MARCHF5: variants seen among roughly 807,000 people sequenced by gnomAD.
MARCHF5 encodes the protein membrane associated ring-CH-type finger 5.
MARCHF5 carries 5 observed loss-of-function variants against 36.5 expected under a neutral mutation model. The observed-to-expected ratio is 0.14, with a 90% CI of 0.07 to 0.29. MARCHF5 has a LOEUF of 0.29. Among genes scored for constraint, MARCHF5 ranks in the 10% least tolerant of loss-of-function variants. The pLI, the probability that MARCHF5 is intolerant of heterozygous loss-of-function variation, is 1.00. For missense variants in MARCHF5, 179 were observed against 336.3 expected (o/e 0.53, Z 3.66); for synonymous variants, 103 against 109.9 (o/e 0.94, Z 0.39).
At chr10:92,330,155 T>G (rs1843419178) in intron 2 of MARCHF5, among the ~76,000 whole-genome samples, 1 of 152,212 alleles carries the variant, frequency 6.6e-6, no homozygotes, top group Non-Finnish European at 1.5e-5. Context: ...TCATTTAGTC[T>G]TTTGTAGCCC....
intron 1 of MARCHF5, among the ~76,000 whole-genome samples, chr10:92,297,737 G>C (rs889170663): frequency 6.6e-6 from 1 of 151,972 alleles, no homozygotes; most frequent in African/African-American, 2.4e-5. Flanking sequence ...TGATCCACCT[G>C]CCTCGGCCTC....
chr10:92,344,289 T>G (rs867706369), intron 3 of MARCHF5, among the ~76,000 whole-genome samples: 9 of 152,202 alleles, frequency 5.9e-5, no homozygotes, highest in Non-Finnish European at 1.3e-4. Flanking sequence ...GGCAGAAGAC[T>G]ATATAAACAA....
chr10:92,303,525 G>A (rs1843040755), intron 1 of MARCHF5, among the ~76,000 whole-genome samples: 1 of 151,802 alleles, frequency 6.6e-6, no homozygotes, highest in African/African-American at 2.4e-5. Context: ...TTGGTATAGT[G>A]GTTTTTTTGT....
At position 92,349,811 on chromosome 10, in the gene MARCHF5, A is replaced by G; in HGVS notation, c.694A>G (p.Asn232Asp). The G allele has an allele frequency of 6.2e-7, 1 of 1,613,412 alleles. No homozygotes were observed. The highest frequency in any genetic ancestry group is 8.5e-7 in the Non-Finnish European group (1 of 1,179,624). The stretch of plus-strand genomic sequence containing the variant: ...TGGTAAATTGATGTTCAGTAGTGTT[A>G]ACTCTAATTTACAAAGGACAATCTT... ...IVGKLMFSSV[N>D]SNLQRTILGG... The change falls in exon 5 of 6, where the codon AAC becomes GAC. Residue 232 changes from asparagine to aspartate, a missense_variant. Asn to Asp is a conservative substitution (Grantham distance 23). Coordinates refer to ENST00000358935, the MANE Select transcript of MARCHF5 (RefSeq NM_017824.5).
chr10:92,297,072 T>G (rs1038756441), intron 1 of MARCHF5, among the ~76,000 whole-genome samples: 1 of 152,128 alleles, frequency 6.6e-6, no homozygotes, highest in Non-Finnish European at 1.5e-5. Flanking sequence ...ATGGCATATC[T>G]TCTCATCCCC....
At chr10:92,326,453 T>C (rs900712275) in intron 2 of MARCHF5, among the ~76,000 whole-genome samples, 2 of 152,186 alleles carry the variant, frequency 1.3e-5, no homozygotes, top group Non-Finnish European at 2.9e-5. Context: ...AAATTTCTTG[T>C]TACTGTCACT....
intron 2 of MARCHF5, among the ~76,000 whole-genome samples, chr10:92,325,139 C>T (rs1172177134): frequency 6.6e-6 from 1 of 152,024 alleles, no homozygotes; most frequent in Non-Finnish European, 1.5e-5. Context: ...TAAAGACCAG[C>T]CTGAGCAACA....
chr10:92,308,716 T>G (rs1341189148), intron 1 of MARCHF5: 3 of 151,798 alleles, frequency 2.0e-5, no homozygotes, highest in Non-Finnish European at 2.9e-5. Flanking sequence ...TGTTTTTTTT[T>G]TTTTTTGAGA....
intron 1 of MARCHF5, among the ~76,000 whole-genome samples, chr10:92,293,604 C>T (rs1356132270): frequency 6.7e-6 from 1 of 148,296 alleles, no homozygotes; most frequent in Non-Finnish European, 1.5e-5. Context: ...AACCCTGTCT[C>T]TACTAAAAAA....
At chr10:92,327,747 A>T (rs927864705) in intron 2 of MARCHF5, among the ~76,000 whole-genome samples, 1 of 151,874 alleles carries the variant, frequency 6.6e-6, no homozygotes, top group Non-Finnish European at 1.5e-5. Flanking sequence ...TCACTCAGGT[A>T]TTTTTTTTCT....
intron 2 of MARCHF5, 84 bp downstream of exon 2, chr10:92,311,421 C>CT (rs945622621): frequency 2.3e-4 from 210 of 914,534 alleles, no homozygotes; most frequent in South Asian, 3.3e-4. Context: ...TGAACCACCT[C>CT]TTTTTTTTAG....
intron 1 of MARCHF5, among the ~76,000 whole-genome samples, chr10:92,309,744 G>T (rs1843122787): frequency 6.6e-6 from 1 of 151,614 alleles, no homozygotes; most frequent in South Asian, 2.1e-4. Flanking sequence ...TTGCACAACA[G>T]TATGAATATA....
At chr10:92,314,080 C>T (rs1843178288) in intron 2 of MARCHF5, among the ~76,000 whole-genome samples, 1 of 152,000 alleles carries the variant, frequency 6.6e-6, no homozygotes, top group African/African-American at 2.4e-5. Context: ...TGATGGAGCA[C>T]ACCTGTTGTA....
chr10:92,314,419 ATCACC>A (rs1237207039), intron 2 of MARCHF5, among the ~76,000 whole-genome samples: 1 of 152,192 alleles, frequency 6.6e-6, no homozygotes, highest in Non-Finnish European at 1.5e-5. Flanking sequence ...AGGCAGGCGG[ATCACC>A]TGATATCAGG....
intron 2 of MARCHF5, among the ~76,000 whole-genome samples, chr10:92,311,887 C>CCTAGT (rs1304308222): frequency 6.6e-6 from 1 of 152,056 alleles, no homozygotes; most frequent in East Asian, 1.9e-4. Flanking sequence ...TGAGAACAGG[C>CCTAGT]CTAGCATGGA....
chr10:92,303,974 A>T (rs1482316691), intron 1 of MARCHF5, among the ~76,000 whole-genome samples: 1 of 152,204 alleles, frequency 6.6e-6, no homozygotes, highest in African/African-American at 2.4e-5. Context: ...CAACTTGGTG[A>T]ATAGGATGGT....
At chr10:92,338,236 T>C (rs1843529088) in intron 2 of MARCHF5, among the ~76,000 whole-genome samples, 1 of 151,882 alleles carries the variant, frequency 6.6e-6, no homozygotes, top group South Asian at 2.1e-4. Flanking sequence ...AGTGCTGAGG[T>C]TTTATATATA....
intron 1 of MARCHF5, among the ~76,000 whole-genome samples, chr10:92,306,114 A>G (rs1001089850): frequency 6.6e-6 from 1 of 152,214 alleles, no homozygotes; most frequent in Non-Finnish European, 1.5e-5. Flanking sequence ...AGCTTTAGGC[A>G]CAGCACATCT....
intron 2 of MARCHF5, among the ~76,000 whole-genome samples, chr10:92,337,107 G>T (rs146442461): frequency 0.011 from 1,567 of 141,062 alleles, 43 homozygotes; most frequent in African/African-American, 0.038. Flanking sequence ...GGGTGACAGA[G>T]TGAGACTCTG....
Sources: allele counts gnomAD v4.1 joint callset (sites outside exome capture counted in the v4.1 genomes callset), GRCh38; gene constraint gnomAD v4.1.1; transcripts MANE v1.5; gene names NCBI Gene and HGNC (gene_info 2026-07-23, HGNC 2026-07-21).